Variants in ZIK1 observed in about 807,000 individuals in gnomAD.
The protein encoded by ZIK1 is zinc finger protein interacting with ribonucleoprotein K.
ZIK1 carries 12 observed loss-of-function variants against 10.7 expected under a neutral mutation model. The observed-to-expected ratio is 1.12, with a 90% CI of 0.72 to 1.81. ZIK1 has a LOEUF of 1.81. Ranked by LOEUF, ZIK1 falls within the 40% of genes most tolerant of loss-of-function variation. ZIK1 has a pLI of 0.00. For synonymous variants in ZIK1, 190 were observed against 205.0 expected (o/e 0.93, Z 0.63); for missense variants, 497 against 585.7 (o/e 0.85, Z 1.56).
Position 57,591,246 on chromosome 19 carries a change from A to C in ZIK1, c.1435A>C (p.Ile479Leu). ...GNSFSQCSSL[I>L]HHQKCHNT ...TTCCTTTAGCCAATGCTCCAGCCTC[A>C]TACATCACCAAAAATGTCATAACAC... Residue 479 changes from isoleucine to leucine, a missense_variant, in exon 4 of 4, where the codon ATA (isoleucine) becomes CTA (leucine). Ile to Leu is a conservative substitution (Grantham distance 5). Coordinates refer to ENST00000597850, the MANE Select transcript of ZIK1 (RefSeq NM_001010879.4). 6.2e-7 allele frequency: 1 copy of C among 1,611,722 alleles called. No homozygotes were observed. Among genetic ancestry groups the C allele is most frequent in the Non-Finnish European group, 8.5e-7 (1 of 1,178,456 alleles).
At chr19:57,589,911 A>G (rs1285179938) in intron 3 of ZIK1, 100 bp from the exon 4 acceptor site, 2 of 1,415,790 alleles carry the variant, frequency 1.4e-6, no homozygotes, top group Non-Finnish European at 1.9e-6. Flanking sequence ...CATTATCCTC[A>G]AAACAAACCT....
chr19:57,588,301 G>T (rs985390627), intron 2 of ZIK1, among the ~76,000 whole-genome samples: 1 of 152,046 alleles, frequency 6.6e-6, no homozygotes, highest in African/African-American at 2.4e-5. Context: ...AGACCCTTGG[G>T]GAACTGCCTG....
Position 57,590,695 on chromosome 19 carries a change from A to G in ZIK1, c.884A>G (p.Tyr295Cys), listed in dbSNP as rs1191250034. The change falls in exon 4 of 4, where the codon TAT (tyrosine) becomes TGT (cysteine). Residue 295 changes from tyrosine (Y) to cysteine (C), a missense_variant. Tyr to Cys is a radical substitution (Grantham distance 194). Coordinates refer to ENST00000597850, the MANE Select transcript of ZIK1 (RefSeq NM_001010879.4). Reference sequence around the variant, plus strand: ...AGAATCCACACCGGAGAAAGGCCTTATGAGTGCAGCGAATGTGGAAAATTA... The same window carrying G: ...AGAATCCACACCGGAGAAAGGCCTTGTGAGTGCAGCGAATGTGGAAAATTA... ...HRRIHTGERP[Y>C]ECSECGKLFR... 6.2e-7 allele frequency: 1 copy of G among 1,614,102 alleles called. No homozygotes were observed. Among genetic ancestry groups the G allele is most frequent in the Non-Finnish European group, 8.5e-7 (1 of 1,180,054 alleles).
intron 2 of ZIK1, 76 bp from the exon 3 acceptor site, chr19:57,588,463 A>G: frequency 7.4e-7 from 1 of 1,348,256 alleles, no homozygotes; most frequent in Non-Finnish European, 9.7e-7. Context: ...GTATTTCCTT[A>G]AGGTGGGGAT....
rs777333540 is a variant in ZIK1, at chr19:57,588,606, C to T, written c.140C>T (p.Ala47Val). The T allele has an allele frequency of 1.4e-5, 22 of 1,590,116 alleles. No homozygotes were observed. Among genetic ancestry groups the T allele is most frequent in the Non-Finnish European group, 1.8e-5 (21 of 1,165,904 alleles). ...GACGAGTGGGGACTTCTTGATGAGG[C>T]TCAGAGACTCCTGTACCTTGAAGTG... ...SQDEWGLLDEAQRLLYLEVML... is the reference protein window; with the variant it reads ...SQDEWGLLDEVQRLLYLEVML... Residue 47 changes from alanine to valine, a missense_variant, in exon 3 of 4, where the codon GCT (alanine) becomes GTT (valine). Physicochemically the swap from Ala to Val is moderately conservative, Grantham distance 64. Transcript: ENST00000597850.
In ZIK1 at chr19:57,591,325, T is replaced by C. The variant is rs1380122799; in HGVS notation, c.*50T>C. 6.5e-7 allele frequency: 1 copy of C among 1,533,166 alleles called. No individual in the cohort carries two copies. Among genetic ancestry groups the C allele is most frequent in the Non-Finnish European group, 8.8e-7 (1 of 1,135,390 alleles). 95.0% of individuals were successfully genotyped at this position (1,533,166 alleles called of 1,614,324 possible). A position where few individuals can be genotyped will look rare whatever the true frequency, so the allele number is the denominator to read the frequency against. On this transcript the variant is annotated 3_prime_UTR_variant, in exon 4 of 4. Coordinates refer to ENST00000597850, the MANE Select transcript of ZIK1 (RefSeq NM_001010879.4). ...GGAAGCGCCTTCAACTCAAGATCTA[T>C]CATCATTTAGCTCCTGAAAGTCCAC... is the stretch of plus-strand genomic sequence containing the variant.
rs1979529951 is a variant in ZIK1 at position 57,590,163 on chromosome 19, C to T, written c.352C>T (p.Leu118Phe). 6.2e-7 allele frequency: 1 copy of T among 1,614,088 alleles called. No individual in the cohort carries two copies. Among genetic ancestry groups the T allele is most frequent in the African/African-American group, 1.3e-5 (1 of 74,926 alleles). ...VLKDILHLAD[L>F]PGQKPYLVGE... ...GAAAGATATTTTGCATCTAGCTGAT[C>T]TCCCTGGGCAGAAACCATACTTGGT... The change falls in exon 4 of 4, where the codon CTC becomes TTC. Residue 118 changes from leucine (L) to phenylalanine (F), a missense_variant. Transcript: ENST00000597850.
chr19:57,591,285 G>C lies in ZIK1; in HGVS notation c.*10G>C. The C allele has an allele frequency of 6.3e-7, 1 of 1,587,638 alleles. No individual in the cohort carries two copies. The highest frequency in any genetic ancestry group is 8.6e-7 in the Non-Finnish European group (1 of 1,166,866). On this transcript the variant is annotated 3_prime_UTR_variant, in exon 4 of 4. Coordinates refer to ENST00000597850, the MANE Select transcript of ZIK1 (RefSeq NM_001010879.4). ...ATGTCATAACACATAGAGGCCTCAT[G>C]AATGCAGCAAATGTGGAAGCGCCTT...
chr19:57,584,348 C>A lies in ZIK1; in HGVS notation c.-9C>A, dbSNP rs755082998. 4.4e-6 allele frequency: 7 copies of A among 1,597,242 alleles called. No homozygotes were observed. In the South Asian group the frequency reaches 7.9e-5, roughly 18 times the overall value. On this transcript the variant is annotated 5_prime_UTR_variant, in exon 1 of 4. Transcript: ENST00000597850. ...TCGGGTCCCGGCCCCGCTCTGCCCA[C>A]AGACTCCGATGGCTGCGGCCGCGCT...
intron 3 of ZIK1, chr19:57,589,647 C>T: frequency 1.0e-6 from 1 of 985,446 alleles, no homozygotes; most frequent in Non-Finnish European, 1.2e-6. Flanking sequence ...TGGGCACAGT[C>T]AACCTTCTGC....
intron 2 of ZIK1, among the ~76,000 whole-genome samples, chr19:57,586,219 G>A (rs2123416124): frequency 6.6e-6 from 1 of 152,168 alleles, no homozygotes; most frequent in African/African-American, 2.4e-5. Flanking sequence ...AGTAGCTATG[G>A]GTCACAATTA....
chr19:57,586,929 A>G lies in ZIK1; in HGVS notation c.73-1610A>G, dbSNP rs796391771. Among the ~76,000 whole-genome samples, 21 of 152,306 alleles carry G rather than the reference A, an allele frequency of 1.4e-4. 1 individual carries two copies. Among genetic ancestry groups the G allele is most frequent in the African/African-American group, 4.8e-4 (20 of 41,574 alleles). On this transcript the variant is annotated intron_variant, in intron 2 of 3. Coordinates refer to ENST00000597850, the MANE Select transcript of ZIK1 (RefSeq NM_001010879.4). ...TTAGTCCATTTTCATGCTGCTGATA[A>G]AGATGTGCTGGAGACTAGATAATTT...
At chr19:57,588,735 G>C (rs1272715069) in intron 3 of ZIK1, 70 bp downstream of exon 3, 1 of 1,367,642 alleles carries the variant, frequency 7.3e-7, no homozygotes, top group African/African-American at 1.5e-5. Flanking sequence ...CCACTTTCTT[G>C]GGATATGTGC....
In ZIK1 at chr19:57,591,773, A is replaced by G. The variant is rs940140802; in HGVS notation, c.*498A>G. The G allele has an allele frequency of 1.3e-5, 2 of 156,860 alleles. No homozygotes were observed. Among genetic ancestry groups the G allele is most frequent in the African/African-American group, 4.8e-5 (2 of 41,446 alleles). The allele number at this position is 156,860 out of a possible 1,614,324, so 9.7% of individuals were successfully genotyped here. A position where few individuals can be genotyped will look rare whatever the true frequency, so the allele number is the denominator to read the frequency against. Reference sequence around the variant, plus strand: ...CAGCCTCCATGTCACCACGTGGTGAATGGCTGCCTCACATTGCTCCAGTTT... The same window carrying G: ...CAGCCTCCATGTCACCACGTGGTGAGTGGCTGCCTCACATTGCTCCAGTTT... On this transcript the variant is annotated 3_prime_UTR_variant, in exon 4 of 4. Coordinates refer to ENST00000597850, the MANE Select transcript of ZIK1 (RefSeq NM_001010879.4).
At chr19:57,584,504 A>G (rs1178501290) in intron 1 of ZIK1, 115 bp downstream of exon 1, 11 of 1,438,016 alleles carry the variant, frequency 7.6e-6, no homozygotes. Flanking sequence ...TGGGGTCCCT[A>G]TTTCCAGAAC....
In ZIK1 at chr19:57,593,136, G is replaced by C. The variant is rs1979843954; in HGVS notation, c.*1861G>C. The C allele has an allele frequency of 6.7e-6, 1 of 150,258 alleles. No individual in the cohort carries two copies. The highest frequency in any genetic ancestry group is 6.7e-5 in the Admixed American group (1 of 14,918). The allele number at this position is 150,258 out of a possible 1,614,324, so 9.3% of individuals were successfully genotyped here. On this transcript the variant is annotated 3_prime_UTR_variant, in exon 4 of 4. Coordinates refer to ENST00000597850, the MANE Select transcript of ZIK1 (RefSeq NM_001010879.4). Reference sequence around the variant, plus strand: ...CTTGGCTCACTCCAACCTCCTCCTGGGTTCCAGCGATTCTCCTGCCTCAGC... The same window carrying C: ...CTTGGCTCACTCCAACCTCCTCCTGCGTTCCAGCGATTCTCCTGCCTCAGC...
chr19:57,587,713 C>G (rs1472876297), intron 2 of ZIK1, among the ~76,000 whole-genome samples: 1 of 152,166 alleles, frequency 6.6e-6, no homozygotes, highest in Non-Finnish European at 1.5e-5. Context: ...AACACTAGGA[C>G]TAGTGCTTAT....
At position 57,588,562 on chromosome 19, in the gene ZIK1, C is replaced by T. The variant is rs757613484; in HGVS notation, c.96C>T (p.Ile32=). 8 of 1,566,882 alleles carry T rather than the reference C, an allele frequency of 5.1e-6. No homozygotes were observed. The East Asian group carries it at 7.0e-5, about 14-fold the overall frequency. Residue 32 remains isoleucine, a synonymous_variant, in exon 3 of 4, where the codon ATC becomes ATT. Transcript: ENST00000597850. The stretch of plus-strand genomic sequence containing the variant: ...AGGGCTGTGTGACCTTTGAGGACAT[C>T]GCCATTTACTTCTCACAGGACGAGT... ...LTKGCVTFED[I]AIYFSQDEWG... is the part of the protein sequence containing the mutation.
At position 57,592,157 on chromosome 19, in the gene ZIK1, T is replaced by A. The variant is rs1331723857; in HGVS notation, c.*882T>A. On this transcript the variant is annotated 3_prime_UTR_variant, in exon 4 of 4. Transcript: ENST00000597850. The stretch of plus-strand genomic sequence containing the variant: ...TCCATTGTTTCCAGAGGATGTCATA[T>A]GATGCCCAGTGCTGCTGAGAAGCTT... 6.6e-6 allele frequency: 1 copy of A among 152,186 alleles called. No homozygotes were observed. The highest frequency in any genetic ancestry group is 1.5e-5 in the Non-Finnish European group (1 of 68,038). The allele number at this position is 152,186 out of a possible 1,614,324, so 9.4% of individuals were successfully genotyped here.
Sources: gnomAD v4.1 joint callset for allele counts (sites outside exome capture counted in the v4.1 genomes callset) on GRCh38, gnomAD v4.1.1 for gene constraint, MANE v1.5 for transcripts, NCBI Gene and HGNC (gene_info 2026-07-23, HGNC 2026-07-21) for gene names.